The following VAMP4 variants were observed in gnomAD, a reference collection of about 807,000 sequenced individuals.
VAMP4 encodes the protein vesicle-associated membrane protein 4.
A neutral mutation model predicts 23.5 loss-of-function variants in VAMP4; 19 were observed. That is an observed-to-expected ratio of 0.81 (90% confidence interval 0.56 to 1.19). VAMP4 has a LOEUF of 1.19. Among genes scored for constraint, VAMP4 ranks in the 50% most tolerant of loss-of-function variants. VAMP4 has a pLI of 0.00. For missense variants in VAMP4, 145 were observed against 168.6 expected, an observed-to-expected ratio of 0.86 and a Z score of 0.78; for synonymous variants, 31 against 51.0, an observed-to-expected ratio of 0.61 and a Z score of 1.67.
At chr1:171,740,957 A>G (rs1655903856) in intron 1 of VAMP4, among the ~76,000 whole-genome samples, 1 of 152,210 alleles carries the variant, frequency 6.6e-6, no homozygotes, top group Non-Finnish European at 1.5e-5. Context: ...ATTATTAGTA[A>G]CTGATATGTG....
intron 2 of VAMP4, among the ~76,000 whole-genome samples, chr1:171,732,359 G>C (rs1271961196): frequency 2.5e-5 from 3 of 121,474 alleles, no homozygotes; most frequent in Non-Finnish European, 5.1e-5. Flanking sequence ...TGTCTCTATG[G>C]GAAAAAAAAA....
chr1:171,716,722 C>T (rs1259055761), intron 4 of VAMP4, among the ~76,000 whole-genome samples: 6 of 152,174 alleles, frequency 3.9e-5, no homozygotes, highest in Non-Finnish European at 5.9e-5. Flanking sequence ...AGTAAAGAAA[C>T]TGACCAGTGC....
At chr1:171,740,424 G>A (rs1655889479) in intron 1 of VAMP4, among the ~76,000 whole-genome samples, 2 of 152,186 alleles carry the variant, frequency 1.3e-5, no homozygotes, top group Admixed American at 1.3e-4. Flanking sequence ...CCAAATAAAA[G>A]TAATGTTTTA....
In VAMP4 at chr1:171,728,635, G is replaced by A. The variant is rs1229565558; in HGVS notation, c.67-65C>T. Reference sequence around the variant, plus strand: ...AGGGCTTATAAAATGTCACAGAGGAGTAATGAAATAAGTCCTATACTAGTG... The same window carrying A: ...AGGGCTTATAAAATGTCACAGAGGAATAATGAAATAAGTCCTATACTAGTG... On this transcript the variant is annotated intron_variant, in intron 2 of 7. Coordinates refer to ENST00000236192, the MANE Select transcript of VAMP4 (RefSeq NM_003762.5). The A allele has an allele frequency of 4.7e-6, 7 of 1,476,914 alleles. No individual in the cohort carries two copies. In the African/African-American group the frequency reaches 7.1e-5, roughly 15 times the overall value. 91.5% of individuals were successfully genotyped at this position (1,476,914 alleles called of 1,614,324 possible). A position where few individuals can be genotyped will look rare whatever the true frequency, so the allele number is the denominator to read the frequency against.
chr1:171,730,714 A>G (rs1273523719), intron 2 of VAMP4, among the ~76,000 whole-genome samples: 3 of 145,294 alleles, frequency 2.1e-5, no homozygotes, highest in African/African-American at 7.5e-5. Context: ...TAAAGTATCT[A>G]AACTGTGGTT....
At chr1:171,721,687 C>T (rs1391370680) in intron 3 of VAMP4, among the ~76,000 whole-genome samples, 1 of 152,102 alleles carries the variant, frequency 6.6e-6, no homozygotes, top group East Asian at 1.9e-4. Context: ...CCTAGGCATC[C>T]AACTTACAAT....
rs186590723 is a variant in VAMP4 at position 171,724,282 on chromosome 1, T to C, written c.113+4242A>G. On this transcript the variant is annotated intron_variant, in intron 3 of 7. Transcript: ENST00000236192. Reference sequence around the variant, plus strand: ...GGTGGGAACTGAACAATGAGAACACTTGGACACAGGGTGGGGAACATCACA... The same window carrying C: ...GGTGGGAACTGAACAATGAGAACACCTGGACACAGGGTGGGGAACATCACA... Among the ~76,000 whole-genome samples the C allele has an allele frequency of 8.2e-3, 1,042 of 127,250 alleles. 15 individuals carry two copies. Among genetic ancestry groups the C allele is most frequent in the African/African-American group, 0.03 (998 of 33,448 alleles). The allele number at this position is 127,250 out of a possible 152,430, so 83.5% of individuals were successfully genotyped here. A position where few individuals can be genotyped will look rare whatever the true frequency, so the allele number is the denominator to read the frequency against.
At chr1:171,712,627 T>C (rs983372261) in intron 4 of VAMP4, among the ~76,000 whole-genome samples, 1 of 152,174 alleles carries the variant, frequency 6.6e-6, no homozygotes, top group African/African-American at 2.4e-5. Flanking sequence ...TCAACAAAGT[T>C]GGGCATGCAG....
Position 171,710,747 on chromosome 1 carries a change from C to G in VAMP4, c.232G>C (p.Gly78Arg), listed in dbSNP as rs200788972. The change falls in exon 5 of 8, where the codon GGG becomes CGG. Residue 78 changes from glycine (G) to arginine (R), a missense_variant. By Grantham distance (125) the Gly-to-Arg change is moderately radical (BLOSUM62 -2). Transcript: ENST00000236192. ...TCCTGTAGTTCATCTAGTCTCTCCC[C>G]TCTCTCAATTACCTTTGTAATATTT... Reference protein sequence around the residue: ...QENITKVIERGERLDELQDKS... With the variant: ...QENITKVIERRERLDELQDKS... 92 of 1,609,510 alleles carry G rather than the reference C, an allele frequency of 5.7e-5. No individual in the cohort carries two copies. Among genetic ancestry groups the G allele is most frequent in the Non-Finnish European group, 7.8e-5 (92 of 1,177,804 alleles).
rs1252888657 is a variant in VAMP4 at position 171,701,387 on chromosome 1, A to G, written c.*3119T>C. 2 of 152,342 alleles carry G rather than the reference A, an allele frequency of 1.3e-5. No homozygotes were observed. Among genetic ancestry groups the G allele is most frequent in the East Asian group, 3.9e-4 (2 of 5,188 alleles). 9.4% of individuals were successfully genotyped at this position (152,342 alleles called of 1,614,324 possible). A position where few individuals can be genotyped will look rare whatever the true frequency, so the allele number is the denominator to read the frequency against. On this transcript the variant is annotated 3_prime_UTR_variant, in exon 8 of 8. Transcript: ENST00000236192. The stretch of plus-strand genomic sequence containing the variant: ...TGCATATTTTCTAATCATAGTGTAT[A>G]TACAGATGTAAATACAGAGTCAATG...
intron 3 of VAMP4, among the ~76,000 whole-genome samples, chr1:171,723,856 G>A (rs1655277983): frequency 6.6e-6 from 1 of 152,136 alleles, no homozygotes; most frequent in Non-Finnish European, 1.5e-5. Context: ...TTGCAATAAA[G>A]ACAGGTGTAA....
intron 2 of VAMP4, among the ~76,000 whole-genome samples, chr1:171,730,923 G>A (rs766483730): frequency 7.9e-5 from 12 of 152,002 alleles, no homozygotes; most frequent in Non-Finnish European, 1.3e-4. Flanking sequence ...GGATGTATTC[G>A]GCTGGGCGCA....
rs1654393074 is a variant in VAMP4 at position 171,700,522 on chromosome 1, C to CTT, written c.*3982_*3983dup. On this transcript the variant is annotated 3_prime_UTR_variant, in exon 8 of 8. Coordinates refer to ENST00000236192, the MANE Select transcript of VAMP4 (RefSeq NM_003762.5). ...CTTTGTGGCTTTAAAATATTGGATACTTTGATTTTAAGACTACTTTAAATG... is the reference window on the plus strand; with the variant it reads ...CTTTGTGGCTTTAAAATATTGGATACTTTTTGATTTTAAGACTACTTTAAATG... 6.6e-6 allele frequency: 1 copy of CTT among 152,146 alleles called. No individual in the cohort carries two copies. Among genetic ancestry groups the CTT allele is most frequent in the Non-Finnish European group, 1.5e-5 (1 of 68,030 alleles). The allele number at this position is 152,146 out of a possible 1,614,324, so 9.4% of individuals were successfully genotyped here. A position where few individuals can be genotyped will look rare whatever the true frequency, so the allele number is the denominator to read the frequency against.
intron 3 of VAMP4, among the ~76,000 whole-genome samples, chr1:171,720,765 C>G (rs142119439): frequency 1.3e-5 from 2 of 152,116 alleles, no homozygotes; most frequent in Non-Finnish European, 2.9e-5. Flanking sequence ...GCAAACTATT[C>G]TGGAAAACTA....
intron 4 of VAMP4, among the ~76,000 whole-genome samples, chr1:171,717,808 T>G (rs999000150): frequency 6.6e-6 from 1 of 152,186 alleles, no homozygotes; most frequent in Admixed American, 6.6e-5. Flanking sequence ...CTTTGGCTAC[T>G]CTTCCTTTTA....
rs1303799179 is a variant in VAMP4 at position 171,701,255 on chromosome 1, A to T, written c.*3251T>A. ...AATCACATTTCCATGTGAAAACACA[A>T]AATTAGGTTAACAGAACAGTCATCC... On this transcript the variant is annotated 3_prime_UTR_variant, in exon 8 of 8. Transcript: ENST00000236192. 2 of 152,198 alleles carry T rather than the reference A, an allele frequency of 1.3e-5. No homozygotes were observed. The highest frequency in any genetic ancestry group is 2.9e-5 in the Non-Finnish European group (2 of 68,018). The allele number at this position is 152,198 out of a possible 1,614,324, so 9.4% of individuals were successfully genotyped here. A position where few individuals can be genotyped will look rare whatever the true frequency, so the allele number is the denominator to read the frequency against.
At chr1:171,728,463 T>C (rs1395236564) in intron 3 of VAMP4, 61 bp downstream of exon 3, 6 of 1,341,398 alleles carry the variant, frequency 4.5e-6, no homozygotes, top group Non-Finnish European at 6.1e-6. Context: ...CAGTATATTT[T>C]AGATATATGC....
chr1:171,712,632 A>G (rs760585047), intron 4 of VAMP4, among the ~76,000 whole-genome samples: 4 of 152,234 alleles, frequency 2.6e-5, no homozygotes, highest in Non-Finnish European at 5.9e-5. Flanking sequence ...AAAGTTGGGC[A>G]TGCAGAATTC....
rs1342579378 is a variant in VAMP4 at position 171,702,174 on chromosome 1, G to GT, written c.*2331dup. The GT allele has an allele frequency of 7.2e-5, 11 of 152,046 alleles. No homozygotes were observed. In the East Asian group the frequency reaches 2.1e-3, roughly 29 times the overall value. 9.4% of individuals were successfully genotyped at this position (152,046 alleles called of 1,614,324 possible). On this transcript the variant is annotated 3_prime_UTR_variant, in exon 8 of 8. Coordinates refer to ENST00000236192, the MANE Select transcript of VAMP4 (RefSeq NM_003762.5). ...ATATTTTTTTCTTCTGTTTTTGATC[G>GT]TAAGAGGGCTTATATCTCCAAGGTT...
Sources: allele counts gnomAD v4.1 joint callset (sites outside exome capture counted in the v4.1 genomes callset), GRCh38; gene constraint gnomAD v4.1.1; transcripts MANE v1.5; gene names NCBI Gene and HGNC (gene_info 2026-07-23, HGNC 2026-07-21).